The following DCAF6 variants were observed in gnomAD, a reference collection of about 807,000 sequenced individuals.
DCAF6 encodes the protein DDB1- and CUL4-associated factor 6.
DCAF6 carries 54 observed loss-of-function variants against 125.1 expected under a neutral mutation model. The observed-to-expected ratio is 0.43, with a 90% CI of 0.35 to 0.54. The LOEUF (loss-of-function observed/expected upper bound fraction) is 0.54, where lower values mean the gene tolerates loss of function less well. Among genes scored for constraint, DCAF6 ranks in the 20% least tolerant of loss-of-function variants. DCAF6 has a pLI of 0.01. For missense variants in DCAF6, 934 were observed against 1,161.7 expected (o/e 0.80, Z 2.85); for synonymous variants, 371 against 390.4 (o/e 0.95, Z 0.58).
chr1:167,980,497 A>G (rs1305837707), intron 4 of DCAF6, among the ~76,000 whole-genome samples: 2 of 151,994 alleles, frequency 1.3e-5, no homozygotes, highest in Non-Finnish European at 2.9e-5. Context: ...ATTTTTTTTT[A>G]GTGGGCATTC....
the DCAF6 span, chr1:167,901,977 C>G: frequency 5.6e-6 from 9 of 1,612,864 alleles, no homozygotes; most frequent in Non-Finnish European, 7.6e-6. Flanking sequence ...CACCTCAGCA[C>G]TCCTTTCTTA....
chr1:168,063,906 T>C, intron 18 of DCAF6, 147 bp downstream of exon 18: 2 of 727,704 alleles, frequency 2.7e-6, no homozygotes, highest in Non-Finnish European at 2.2e-6. Context: ...AACATGGTTC[T>C]TTTAGCCCTA....
rs146172946 is a variant in DCAF6 at position 168,021,035 on chromosome 1, C to G, written c.1550-1953C>G. On this transcript the variant is annotated intron_variant, in intron 11 of 21. Transcript: ENST00000367840. ...ACCCTTTTAGTTTAATACTTTCTGTCTTAACATAGCTTTAATATTTTAAAT... is the reference window on the plus strand; with the variant it reads ...ACCCTTTTAGTTTAATACTTTCTGTGTTAACATAGCTTTAATATTTTAAAT... 9.2e-3 allele frequency among the ~76,000 whole-genome samples: 1,402 copies of G among 152,172 alleles called. 18 individuals are homozygous for G. The highest frequency in any genetic ancestry group is 0.031 in the African/African-American group (1,289 of 41,544).
intron 12 of DCAF6, among the ~76,000 whole-genome samples, chr1:168,031,172 A>G (rs1203323666): frequency 1.3e-5 from 2 of 152,168 alleles, no homozygotes; most frequent in Non-Finnish European, 2.9e-5. Context: ...ATGGAATTTT[A>G]ACTAGGATGA....
chr1:168,004,456 T>G, intron 9 of DCAF6, 77 bp from the exon 10 acceptor site: 1 of 1,391,802 alleles, frequency 7.2e-7, no homozygotes, highest in Non-Finnish European at 1.0e-6. Flanking sequence ...AAATGTGTTT[T>G]CTGAGCATAT....
intron 20 of DCAF6, among the ~76,000 whole-genome samples, chr1:168,067,336 C>T (rs987698079): frequency 7.9e-5 from 12 of 152,044 alleles, no homozygotes; most frequent in Non-Finnish European, 1.6e-4. Flanking sequence ...ACAATGTAAA[C>T]AGCTAGAACA....
At chr1:167,890,296 T>C in the DCAF6 span, among the ~76,000 whole-genome samples, 4,403 of 152,352 alleles carry the variant, frequency 0.029, 197 homozygotes, top group African/African-American at 0.1. Context: ...GCTATGGTTC[T>C]TGCAGACTTA....
At chr1:167,937,316 C>T (rs1671432647) in intron 1 of DCAF6, 2 of 386,662 alleles carry the variant, frequency 5.2e-6, no homozygotes, top group African/African-American at 2.1e-5. Flanking sequence ...TGCGGAACCT[C>T]CAGGAGCTGC....
At chr1:167,907,847 T>C in the DCAF6 span, among the ~76,000 whole-genome samples, 5 of 152,328 alleles carry the variant, frequency 3.3e-5, no homozygotes, top group East Asian at 9.6e-4. Flanking sequence ...TACAAAATTA[T>C]AGGAATAAAG....
the DCAF6 span, among the ~76,000 whole-genome samples, chr1:167,909,102 A>G: frequency 6.6e-6 from 1 of 152,104 alleles, no homozygotes; most frequent in Non-Finnish European, 1.5e-5. Context: ...AACCTTTCTT[A>G]TTTCTAACAA....
chr1:168,027,215 T>TA (rs1686449110), intron 12 of DCAF6, among the ~76,000 whole-genome samples: 1 of 152,076 alleles, frequency 6.6e-6, no homozygotes. Flanking sequence ...GGGAAAAAGG[T>TA]AGAGACTTTG....
intron 21 of DCAF6, among the ~76,000 whole-genome samples, chr1:168,072,343 C>T (rs1446350922): frequency 2.1e-5 from 3 of 143,492 alleles, no homozygotes; most frequent in East Asian, 2.1e-4. Context: ...AAAGTCTTCC[C>T]TGGTCACTCA....
In DCAF6 at chr1:168,015,793, G is replaced by C; in HGVS notation, c.1391G>C (p.Gly464Ala). The change falls in exon 11 of 22, where the codon GGC (glycine) becomes GCC (alanine). Residue 464 changes from glycine (G) to alanine (A), a missense_variant. Transcript: ENST00000367840. ...HTHHQSEFLRGPEIALLRKRL... is the reference protein window; with the variant it reads ...HTHHQSEFLRAPEIALLRKRL... The stretch of plus-strand genomic sequence containing the variant: ...CTATTTGTGTCAGAATTTTTAAGGG[G>C]CCCTGAGATAGCTTTGCTTCGTAAG... 11 of 1,504,952 alleles carry C rather than the reference G, an allele frequency of 7.3e-6. No individual in the cohort carries two copies. The highest frequency in any genetic ancestry group is 9.8e-6 in the Non-Finnish European group (11 of 1,122,692). The allele number at this position is 1,504,952 out of a possible 1,614,324, so 93.2% of individuals were successfully genotyped here.
intron 12 of DCAF6, among the ~76,000 whole-genome samples, chr1:168,035,908 A>C (rs1687745189): frequency 6.6e-6 from 1 of 151,978 alleles, no homozygotes; most frequent in Non-Finnish European, 1.5e-5. Context: ...CCTAAAATAC[A>C]AAAATTAGCC....
the DCAF6 span, among the ~76,000 whole-genome samples, chr1:167,921,651 A>C: frequency 6.6e-6 from 1 of 152,070 alleles, no homozygotes; most frequent in Non-Finnish European, 1.5e-5. Context: ...TTACCAAGTC[A>C]CTATGTTTGT....
At chr1:167,911,579 TG>T in the DCAF6 span, among the ~76,000 whole-genome samples, 1 of 152,216 alleles carries the variant, frequency 6.6e-6, no homozygotes, top group Non-Finnish European at 1.5e-5. Context: ...AAATACAGAA[TG>T]TGAGGTCCTG....
chr1:168,009,519 T>C (rs982242893), intron 10 of DCAF6, among the ~76,000 whole-genome samples: 5 of 141,842 alleles, frequency 3.5e-5, no homozygotes, highest in African/African-American at 1.3e-4. Flanking sequence ...TCCTTCCTTC[T>C]TTCCTCCATC....
chr1:168,017,907 T>C (rs1424370499), intron 11 of DCAF6, among the ~76,000 whole-genome samples: 1 of 152,174 alleles, frequency 6.6e-6, no homozygotes, highest in Non-Finnish European at 1.5e-5. Flanking sequence ...ATAGTGCCAG[T>C]AAAACATATT....
chr1:167,870,547 C>T, the DCAF6 span: 2 of 722,126 alleles, frequency 2.8e-6, no homozygotes, highest in East Asian at 6.2e-5. Flanking sequence ...AATCCCAGCA[C>T]TTTGGGAGGC....
Sources: allele counts gnomAD v4.1 joint callset (sites outside exome capture counted in the v4.1 genomes callset), GRCh38; gene constraint gnomAD v4.1.1; transcripts MANE v1.5; gene names NCBI Gene and HGNC (gene_info 2026-07-23, HGNC 2026-07-21).